Variants in IGF2BP3 observed in about 807,000 individuals in gnomAD.
IGF2BP3 encodes insulin-like growth factor 2 mRNA-binding protein 3.
Under a neutral mutation model 73.8 loss-of-function variants are expected in IGF2BP3, and 9 were observed. That is an observed-to-expected ratio of 0.12 (90% CI 0.07 to 0.21). IGF2BP3 has a LOEUF of 0.21. Among genes scored for constraint, IGF2BP3 ranks in the 10% least tolerant of loss-of-function variants. The pLI is 1.00. For missense variants in IGF2BP3, 542 were observed against 714.0 expected (o/e 0.76, Z 2.75); for synonymous variants, 258 against 256.7 (o/e 1.01, Z -0.05).
intron 12 of IGF2BP3, among the ~76,000 whole-genome samples, chr7:23,316,390 T>G (rs573535469): frequency 6.6e-6 from 1 of 152,208 alleles, no homozygotes; most frequent in Non-Finnish European, 1.5e-5. Flanking sequence ...CTAAAAAAAC[T>G]AAGGCTTGGC....
rs1474303107 is a variant in IGF2BP3 at position 23,432,273 on chromosome 7, C to G, written c.237-13449G>C. ...AAAAGACTGAATGTTTTTCTACGTACTCTCTTACTACTATTGTTTGCTTGC... is the reference window on the plus strand; with the variant it reads ...AAAAGACTGAATGTTTTTCTACGTAGTCTCTTACTACTATTGTTTGCTTGC... On this transcript the variant is annotated intron_variant, in intron 2 of 14. Transcript: ENST00000258729. Among the ~76,000 whole-genome samples, 2 of 152,216 alleles carry G rather than the reference C, an allele frequency of 1.3e-5. 1 individual carries two copies. Among genetic ancestry groups the G allele is most frequent in the African/African-American group, 4.8e-5 (2 of 41,454 alleles).
chr7:23,340,532 CA>C (rs1365181949), intron 10 of IGF2BP3, among the ~76,000 whole-genome samples: 1 of 152,116 alleles, frequency 6.6e-6, no homozygotes, highest in Non-Finnish European at 1.5e-5. Flanking sequence ...GTGGAATCAC[CA>C]ACCTATTCCA....
intron 10 of IGF2BP3, among the ~76,000 whole-genome samples, chr7:23,328,469 C>T (rs112405995): frequency 3.3e-5 from 5 of 152,246 alleles, no homozygotes; most frequent in African/African-American, 1.2e-4. Context: ...TGGCCCTTAA[C>T]TACTTTTTTT....
At chr7:23,392,433 CATATAT>C (rs141882109) in intron 3 of IGF2BP3, among the ~76,000 whole-genome samples, 2 of 141,930 alleles carry the variant, frequency 1.4e-5, no homozygotes, top group Non-Finnish European at 3.0e-5. Flanking sequence ...AGCTTATCAT[CATATAT>C]ATATATATAT....
intron 12 of IGF2BP3, among the ~76,000 whole-genome samples, chr7:23,316,053 A>G (rs1391004184): frequency 2.0e-5 from 3 of 152,228 alleles, no homozygotes; most frequent in African/African-American, 7.2e-5. Flanking sequence ...AAGATTTCAA[A>G]CTAAAAGTGA....
chr7:23,368,320 GAGAAAGAAA>G (rs1785439866), intron 3 of IGF2BP3, among the ~76,000 whole-genome samples: 1 of 78,190 alleles, frequency 1.3e-5, no homozygotes, highest in African/African-American at 5.2e-5. Flanking sequence ...GAAAGAGAGA[GAGAAAGAAA>G]AGAAAGAAAG....
At chr7:23,441,266 T>C (rs945926442) in intron 2 of IGF2BP3, among the ~76,000 whole-genome samples, 1 of 151,994 alleles carries the variant, frequency 6.6e-6, no homozygotes, top group Non-Finnish European at 1.5e-5. Flanking sequence ...ATCACATCTC[T>C]GCAAAAAATA....
chr7:23,447,058 G>A (rs140604749), intron 2 of IGF2BP3, among the ~76,000 whole-genome samples: 43 of 152,022 alleles, frequency 2.8e-4, no homozygotes, highest in African/African-American at 1.0e-3. Context: ...CAAAAAATTA[G>A]TCAAGTGCAG....
At chr7:23,321,737 G>C (rs531513387) in intron 10 of IGF2BP3, among the ~76,000 whole-genome samples, 1 of 152,350 alleles carries the variant, frequency 6.6e-6, no homozygotes, top group South Asian at 2.1e-4. Flanking sequence ...AGAACGGGCA[G>C]ACTGCCTCCT....
At chr7:23,431,996 A>G (rs1003101878) in intron 2 of IGF2BP3, among the ~76,000 whole-genome samples, 2 of 152,204 alleles carry the variant, frequency 1.3e-5, no homozygotes, top group Admixed American at 6.5e-5. Flanking sequence ...TACTTAAACA[A>G]TGAGCAAGGG....
intron 3 of IGF2BP3, among the ~76,000 whole-genome samples, chr7:23,383,028 T>C (rs756091854): frequency 5.9e-5 from 9 of 151,652 alleles, no homozygotes; most frequent in African/African-American, 4.8e-5. Flanking sequence ...GATGGCGCCA[T>C]TGCACTCCAG....
In IGF2BP3 at chr7:23,386,160, C is replaced by T. The variant is rs78397473; in HGVS notation, c.286-24419G>A. ...GAGATTTATTATACTATTCTCTCTA[C>T]ATTTGTAAATGCTTAAAAATTATCC... On this transcript the variant is annotated intron_variant, in intron 3 of 14. Transcript: ENST00000258729. Among the ~76,000 whole-genome samples the T allele has an allele frequency of 7.3e-3, 1,105 of 152,258 alleles. 6 individuals are homozygous for T. Among genetic ancestry groups the T allele is most frequent in the Non-Finnish European group, 0.012 (799 of 68,014 alleles).
At chr7:23,327,177 C>T (rs546626590) in intron 10 of IGF2BP3, among the ~76,000 whole-genome samples, 2 of 152,154 alleles carry the variant, frequency 1.3e-5, no homozygotes, top group South Asian at 4.2e-4. Context: ...ATCTTAGATT[C>T]CTATTGCATA....
At chr7:23,461,671 A>C (rs994661389) in intron 2 of IGF2BP3, among the ~76,000 whole-genome samples, 1 of 152,202 alleles carries the variant, frequency 6.6e-6, no homozygotes, top group African/African-American at 2.4e-5. Flanking sequence ...AGCTAGTAAC[A>C]TATCATCTCC....
chr7:23,369,273 C>G (rs1305093559), intron 3 of IGF2BP3, among the ~76,000 whole-genome samples: 1 of 152,136 alleles, frequency 6.6e-6, no homozygotes, highest in Non-Finnish European at 1.5e-5. Flanking sequence ...GAAGTGGACA[C>G]CACATGACAT....
intron 5 of IGF2BP3, among the ~76,000 whole-genome samples, chr7:23,360,235 C>A (rs1298680700): frequency 6.6e-6 from 1 of 152,128 alleles, no homozygotes; most frequent in Admixed American, 6.5e-5. Context: ...TACATACACA[C>A]GACATGCAAA....
chr7:23,389,917 A>G (rs1440544631), intron 3 of IGF2BP3, among the ~76,000 whole-genome samples: 1 of 151,894 alleles, frequency 6.6e-6, no homozygotes, highest in East Asian at 1.9e-4. Flanking sequence ...TCAAGGCTGC[A>G]GTGAGCCGTG....
At chr7:23,441,944 G>C (rs541435167) in intron 2 of IGF2BP3, among the ~76,000 whole-genome samples, 2 of 152,292 alleles carry the variant, frequency 1.3e-5, no homozygotes, top group East Asian at 3.9e-4. Context: ...GGCCAACAAG[G>C]AGAAACCCCG....
At chr7:23,432,904 T>C (rs899695512) in intron 2 of IGF2BP3, among the ~76,000 whole-genome samples, 2 of 152,212 alleles carry the variant, frequency 1.3e-5, no homozygotes, top group African/African-American at 2.4e-5. Flanking sequence ...ACTGCTAGGA[T>C]TACAGGCATG....
Sources: gnomAD v4.1 joint callset for allele counts (sites outside exome capture counted in the v4.1 genomes callset) on GRCh38, gnomAD v4.1.1 for gene constraint, MANE v1.5 for transcripts, NCBI Gene and HGNC (gene_info 2026-07-23, HGNC 2026-07-21) for gene names.